The following WWOX variants were observed in gnomAD, a reference collection of about 807,000 sequenced individuals.
WWOX encodes the protein WW domain containing oxidoreductase.
Under a neutral mutation model 46.2 loss-of-function variants are expected in WWOX, and 69 were observed. That is an observed-to-expected ratio of 1.49 (90% CI 1.23 to 1.82). WWOX has a LOEUF of 1.82. Ranked by LOEUF, WWOX falls within the 40% of genes most tolerant of loss-of-function variation. The pLI is 0.00. For missense variants in WWOX, 919 were observed against 542.6 expected, an observed-to-expected ratio of 1.69 and a Z score of -6.89; for synonymous variants, 359 against 202.6, an observed-to-expected ratio of 1.77 and a Z score of -6.56.
chr16:79,036,975 A>G (rs1454360473), intron 8 of WWOX, among the ~76,000 whole-genome samples: 1 of 152,194 alleles, frequency 6.6e-6, no homozygotes, highest in Admixed American at 6.5e-5. Flanking sequence ...CACAAAAGGA[A>G]TATGGGTATA....
At chr16:78,534,234 A>G (rs921609161) in intron 8 of WWOX, 1 of 152,224 alleles carries the variant, frequency 6.6e-6, no homozygotes. Context: ...CAAACACAGG[A>G]AAACAATATC....
intron 8 of WWOX, among the ~76,000 whole-genome samples, chr16:78,732,891 A>C (rs1366987758): frequency 6.6e-6 from 1 of 152,186 alleles, no homozygotes; most frequent in African/African-American, 2.4e-5. Context: ...CTTGAGAATA[A>C]GCGCTGTGTT....
intron 8 of WWOX, among the ~76,000 whole-genome samples, chr16:78,593,698 A>G (rs866498306): frequency 7.3e-5 from 11 of 150,756 alleles, no homozygotes; most frequent in Admixed American, 2.6e-4. Context: ...TTCCCAGCGT[A>G]CAACAGAGGA....
intron 8 of WWOX, chr16:78,552,560 T>C (rs761436793): frequency 9.9e-5 from 15 of 152,140 alleles, no homozygotes; most frequent in Non-Finnish European, 4.4e-5. Context: ...CCCCCTGAAC[T>C]GAGTATCCGG....
At chr16:78,423,983 G>C (rs2151959229) in intron 6 of WWOX, among the ~76,000 whole-genome samples, 1 of 151,734 alleles carries the variant, frequency 6.6e-6, no homozygotes, top group Admixed American at 6.6e-5. Context: ...TAAACAACAT[G>C]TGCCCTTCTC....
intron 8 of WWOX, among the ~76,000 whole-genome samples, chr16:78,918,060 G>A (rs1488658388): frequency 6.6e-6 from 1 of 151,986 alleles, no homozygotes; most frequent in African/African-American, 2.4e-5. Flanking sequence ...AAATTAGCCA[G>A]GCGTGGTGGT....
chr16:78,997,398 C>G (rs933635345), intron 8 of WWOX, among the ~76,000 whole-genome samples: 1 of 152,118 alleles, frequency 6.6e-6, no homozygotes, highest in African/African-American at 2.4e-5. Context: ...ACCACGGTGA[C>G]ACGCAAAAGA....
chr16:78,908,269 G>A (rs147740828), intron 8 of WWOX, among the ~76,000 whole-genome samples: 44 of 152,260 alleles, frequency 2.9e-4, no homozygotes, highest in Admixed American at 5.2e-4. Flanking sequence ...TCCAGGCACG[G>A]TGGCTCATGC....
At chr16:78,159,671 G>GTTTT (rs1343670783) in intron 4 of WWOX, among the ~76,000 whole-genome samples, 15 of 84,620 alleles carry the variant, frequency 1.8e-4, no homozygotes, top group Non-Finnish European at 2.1e-4. Flanking sequence ...TAAAATCTGT[G>GTTTT]GTTTTTTTTT....
In WWOX at chr16:78,498,152, C is replaced by G. The variant is rs1217794730; in HGVS notation, c.1056+65400C>G. Among the ~76,000 whole-genome samples, 111 of 139,240 alleles carry G rather than the reference C, an allele frequency of 8.0e-4. 1 individual carries two copies. The highest frequency in any genetic ancestry group is 2.7e-3 in the African/African-American group (106 of 38,898). 91.3% of individuals were successfully genotyped at this position (139,240 alleles called of 152,430 possible). Reference sequence around the variant, plus strand: ...CATGGGAGGTGGAGCTTGCAGTGAGCCGAGATTGTGCCACTGCACTCCAGC... The same window carrying G: ...CATGGGAGGTGGAGCTTGCAGTGAGGCGAGATTGTGCCACTGCACTCCAGC... On this transcript the variant is annotated intron_variant, in intron 8 of 8. Transcript: ENST00000566780.
chr16:78,926,841 G>T (rs1341526778), intron 8 of WWOX, among the ~76,000 whole-genome samples: 2 of 152,118 alleles, frequency 1.3e-5, no homozygotes, highest in Non-Finnish European at 2.9e-5. Context: ...CTGTCACCCA[G>T]GCTGGAGTAC....
intron 8 of WWOX, among the ~76,000 whole-genome samples, chr16:78,636,048 C>T (rs187855364): frequency 6.6e-6 from 1 of 152,190 alleles, no homozygotes; most frequent in Non-Finnish European, 1.5e-5. Flanking sequence ...CGCTGCGGAA[C>T]ACTGCCTGTG....
chr16:78,483,497 G>C (rs1482736884), intron 8 of WWOX, among the ~76,000 whole-genome samples: 1 of 150,762 alleles, frequency 6.6e-6, no homozygotes, highest in African/African-American at 2.4e-5. Flanking sequence ...GGTGAAGGCA[G>C]ACAGTAAGAT....
intron 8 of WWOX, among the ~76,000 whole-genome samples, chr16:78,984,815 A>G (rs1291129992): frequency 1.3e-5 from 2 of 152,180 alleles, no homozygotes; most frequent in Admixed American, 1.3e-4. Context: ...CAGGTAAGGA[A>G]CGTGTGCAGG....
intron 8 of WWOX, among the ~76,000 whole-genome samples, chr16:78,756,738 A>G (rs1392781408): frequency 6.6e-6 from 1 of 152,202 alleles, no homozygotes; most frequent in Non-Finnish European, 1.5e-5. Context: ...GTGGACAAAG[A>G]ATCAAACCTA....
At chr16:78,946,802 A>G (rs1226699290) in intron 8 of WWOX, among the ~76,000 whole-genome samples, 1 of 152,090 alleles carries the variant, frequency 6.6e-6, no homozygotes, top group African/African-American at 2.4e-5. Context: ...GCAAGACAAG[A>G]TTCTGGCGTA....
intron 6 of WWOX, among the ~76,000 whole-genome samples, chr16:78,413,076 C>T (rs969655795): frequency 6.6e-6 from 1 of 152,180 alleles, no homozygotes; most frequent in Non-Finnish European, 1.5e-5. Context: ...TTCTCCTTTC[C>T]TGCTAGCTGG....
intron 5 of WWOX, among the ~76,000 whole-genome samples, chr16:78,260,499 C>T (rs971392826): frequency 1.3e-4 from 19 of 150,940 alleles, no homozygotes; most frequent in Non-Finnish European, 2.5e-4. Context: ...ACCCTGTCTC[C>T]ACTAAAAATA....
At chr16:78,315,101 T>C (rs1472069629) in intron 5 of WWOX, among the ~76,000 whole-genome samples, 1 of 152,216 alleles carries the variant, frequency 6.6e-6, no homozygotes, top group Admixed American at 6.5e-5. Flanking sequence ...CTTTTTTGGC[T>C]TTAATTTTGT....
Sources: allele counts gnomAD v4.1 joint callset (sites outside exome capture counted in the v4.1 genomes callset), GRCh38; gene constraint gnomAD v4.1.1; transcripts MANE v1.5; gene names NCBI Gene and HGNC (gene_info 2026-07-23, HGNC 2026-07-21).